AGTPBP1: variants seen among roughly 807,000 people sequenced by gnomAD.
AGTPBP1 encodes the protein cytosolic carboxypeptidase 1.
In AGTPBP1, 70 loss-of-function variants were observed where a neutral mutation model predicts 143.9. That is an observed-to-expected ratio of 0.49 (90% confidence interval 0.40 to 0.59). AGTPBP1 has a LOEUF of 0.59. AGTPBP1 is among the 20% of genes least tolerant of loss of function. AGTPBP1 has a pLI of 0.00. For synonymous variants in AGTPBP1, 463 were observed against 500.2 expected, an observed-to-expected ratio of 0.93 and a Z score of 0.99; for missense variants, 1,229 against 1,464.5, an observed-to-expected ratio of 0.84 and a Z score of 2.62.
chr9:85,698,042 T>G (rs1836384112), intron 2 of AGTPBP1, among the ~76,000 whole-genome samples: 1 of 152,200 alleles, frequency 6.6e-6, no homozygotes, highest in Non-Finnish European at 1.5e-5. Context: ...ATTCTAAAAT[T>G]TAATAACTGA....
At chr9:85,753,804 A>AGATG in the AGTPBP1 span, among the ~76,000 whole-genome samples, 201 of 147,460 alleles carry the variant, frequency 1.4e-3, 1 homozygote, top group African/African-American at 4.9e-3. Flanking sequence ...ATAGATAGAT[A>AGATG]GATGTAAAAA....
the AGTPBP1 span, chr9:85,785,946 A>C: frequency 1.8e-6 from 1 of 553,076 alleles, no homozygotes; most frequent in Non-Finnish European, 3.2e-6. Flanking sequence ...TCATATTCAC[A>C]CATCTGTTCA....
chr9:85,674,741 T>A (rs920746635), intron 6 of AGTPBP1, among the ~76,000 whole-genome samples: 1 of 152,142 alleles, frequency 6.6e-6, no homozygotes, highest in African/African-American at 2.4e-5. Context: ...CTATAAAAAC[T>A]ACTAATTACT....
chr9:85,560,643 C>A (rs890217407), intron 25 of AGTPBP1, among the ~76,000 whole-genome samples: 2 of 151,956 alleles, frequency 1.3e-5, no homozygotes, highest in African/African-American at 4.8e-5. Context: ...CTAACTCCCA[C>A]CCCTTAATTA....
chr9:85,741,315 A>G, intron 1 of AGTPBP1: 1 of 985,304 alleles, frequency 1.0e-6, no homozygotes, highest in South Asian at 4.7e-5. Flanking sequence ...CTCGAAGCAC[A>G]GGGGCCCGCG....
intron 13 of AGTPBP1, among the ~76,000 whole-genome samples, chr9:85,636,139 C>T (rs1404317034): frequency 6.6e-6 from 1 of 151,314 alleles, no homozygotes; most frequent in African/African-American, 2.4e-5. Flanking sequence ...CCAAAAGAAA[C>T]ATTAGATATT....
chr9:85,698,436 T>C (rs552220609), intron 2 of AGTPBP1, among the ~76,000 whole-genome samples: 1 of 152,264 alleles, frequency 6.6e-6, no homozygotes, highest in East Asian at 1.9e-4. Context: ...CTAAGCCACT[T>C]CCCAACTCAG....
chr9:85,777,097 G>A, the AGTPBP1 span, among the ~76,000 whole-genome samples: 4 of 152,158 alleles, frequency 2.6e-5, no homozygotes, highest in African/African-American at 9.7e-5. Flanking sequence ...TCCTGCGAAT[G>A]ACCAGTGAAT....
chr9:85,741,828 A>T lies in AGTPBP1; in HGVS notation c.-87T>A, dbSNP rs10114347. 1 of 1,397,854 alleles carries T rather than the reference A, an allele frequency of 7.2e-7. No individual in the cohort carries two copies. Among genetic ancestry groups the T allele is most frequent in the Non-Finnish European group, 9.3e-7 (1 of 1,077,906 alleles). 86.6% of individuals were successfully genotyped at this position (1,397,854 alleles called of 1,614,324 possible). ...CGCGCAGAGCCGCAGCACCCGGCTCAGCACCTGGATCACGGCGGATCCCTC... is the reference window on the plus strand; with the variant it reads ...CGCGCAGAGCCGCAGCACCCGGCTCTGCACCTGGATCACGGCGGATCCCTC... On this transcript the variant is annotated 5_prime_UTR_variant, in exon 1 of 26. Coordinates refer to ENST00000357081, the MANE Select transcript of AGTPBP1 (RefSeq NM_001330701.2).
chr9:85,578,800 C>T (rs1453333745), intron 24 of AGTPBP1, 120 bp downstream of exon 24: 2 of 1,011,112 alleles, frequency 2.0e-6, no homozygotes, highest in Non-Finnish European at 2.8e-6. Flanking sequence ...TCCATTATTA[C>T]ATATTACATG....
chr9:85,695,772 C>T (rs1287575167), intron 2 of AGTPBP1, among the ~76,000 whole-genome samples: 1 of 152,040 alleles, frequency 6.6e-6, no homozygotes, highest in Non-Finnish European at 1.5e-5. Flanking sequence ...ATTTTTACTT[C>T]AAGAAAACGA....
intron 25 of AGTPBP1, among the ~76,000 whole-genome samples, chr9:85,558,999 A>G (rs1368602045): frequency 2.0e-5 from 3 of 152,232 alleles, no homozygotes; most frequent in African/African-American, 7.2e-5. Flanking sequence ...TCACCACTAC[A>G]ATATCCTAAT....
intron 7 of AGTPBP1, among the ~76,000 whole-genome samples, chr9:85,670,842 C>T (rs899508137): frequency 6.6e-6 from 1 of 152,130 alleles, no homozygotes; most frequent in South Asian, 2.1e-4. Context: ...TTTATTACTC[C>T]GTTATCCCTT....
At chr9:85,764,000 T>C in the AGTPBP1 span, among the ~76,000 whole-genome samples, 1 of 152,106 alleles carries the variant, frequency 6.6e-6, no homozygotes, top group Non-Finnish European at 1.5e-5. Flanking sequence ...AAAAACAAAT[T>C]ATATGTTTAA....
chr9:85,650,035 A>C (rs1833051583), intron 11 of AGTPBP1, among the ~76,000 whole-genome samples: 2 of 142,506 alleles, frequency 1.4e-5, no homozygotes, highest in Admixed American at 7.2e-5. Flanking sequence ...CTAGCTTCTA[A>C]ACTTTCCTTT....
the AGTPBP1 span, among the ~76,000 whole-genome samples, chr9:85,776,064 G>A: frequency 2.6e-5 from 4 of 152,024 alleles, no homozygotes; most frequent in African/African-American, 4.8e-5. Context: ...ACAATAATAA[G>A]GTTATAATTA....
intron 1 of AGTPBP1, among the ~76,000 whole-genome samples, chr9:85,730,322 T>G (rs1450445114): frequency 6.6e-6 from 1 of 152,198 alleles, no homozygotes; most frequent in African/African-American, 2.4e-5. Context: ...TGAAAATGAA[T>G]TTGTGTCCTT....
At chr9:85,781,352 T>C in the AGTPBP1 span, 7 of 1,561,420 alleles carry the variant, frequency 4.5e-6, no homozygotes, top group East Asian at 9.2e-5. Flanking sequence ...CGGCGGCAAC[T>C]AGCATCATCA....
chr9:85,695,830 C>A (rs62569249), intron 2 of AGTPBP1, among the ~76,000 whole-genome samples: 2,530 of 151,774 alleles, frequency 0.017, 26 homozygotes, highest in Middle Eastern at 0.052. Flanking sequence ...CAGACATTTT[C>A]TTTCCTTTTC....
Sources: allele counts gnomAD v4.1 joint callset (sites outside exome capture counted in the v4.1 genomes callset), GRCh38; gene constraint gnomAD v4.1.1; transcripts MANE v1.5; gene names NCBI Gene and HGNC (gene_info 2026-07-23, HGNC 2026-07-21).